TMEM127: variants seen among roughly 807,000 people sequenced by gnomAD.
TMEM127 encodes transmembrane protein 127.
A neutral mutation model predicts 20.1 loss-of-function variants in TMEM127; 21 were observed. That is an observed-to-expected ratio of 1.04 (90% CI 0.74 to 1.50). The LOEUF (loss-of-function observed/expected upper bound fraction) is 1.50, where lower values mean the gene tolerates loss of function less well. Among genes scored for constraint, TMEM127 ranks in the 40% most tolerant of loss-of-function variants. The pLI is 0.00. For missense variants in TMEM127, 303 were observed against 317.4 expected (o/e 0.95, Z 0.34); for synonymous variants, 150 against 144.7 (o/e 1.04, Z -0.26).
chr2:96,264,859 C>A (rs1684381223), intron 2 of TMEM127, among the ~76,000 whole-genome samples: 1 of 152,172 alleles, frequency 6.6e-6, no homozygotes, highest in South Asian at 2.1e-4. Flanking sequence ...TACCTAGCAC[C>A]CTTATCTTTT....
chr2:96,265,412 C>G lies in TMEM127; in HGVS notation c.-31G>C, dbSNP rs1684399916. On this transcript the variant is annotated 5_prime_UTR_variant, in exon 2 of 4. Transcript: ENST00000258439. The stretch of plus-strand genomic sequence containing the variant: ...GGGCCGCCCGCCGTCGCTCCGCAGT[C>G]GCTGCTGGTCGCCGCCGACCTCCGC... 1 of 1,340,508 alleles carries G rather than the reference C, an allele frequency of 7.5e-7. No individual in the cohort carries two copies. The allele number at this position is 1,340,508 out of a possible 1,614,324, so 83.0% of individuals were successfully genotyped here.
chr2:96,250,874 G>C lies in TMEM127; in HGVS notation c.*2934C>G, dbSNP rs1015330236. The C allele has an allele frequency of 4.3e-6, 1 of 230,486 alleles. No individual in the cohort carries two copies. The highest frequency in any genetic ancestry group is 5.7e-5 in the Admixed American group (1 of 17,678). The allele number at this position is 230,486 out of a possible 1,614,324, so 14.3% of individuals were successfully genotyped here. On this transcript the variant is annotated 3_prime_UTR_variant, in exon 4 of 4. Coordinates refer to ENST00000258439, the MANE Select transcript of TMEM127 (RefSeq NM_017849.4). ...CAGTTTCTAGGGAGTGAAGGAACAC[G>C]TGAAATACAGAAAATAAAGACAGAA...
In TMEM127 at chr2:96,254,921, A is replaced by C. The variant is rs1553437007; in HGVS notation, c.321T>G (p.Ser107Arg). 5 of 1,614,022 alleles carry C rather than the reference A, an allele frequency of 3.1e-6. No homozygotes were observed. The highest frequency in any genetic ancestry group is 4.2e-6 in the Non-Finnish European group (5 of 1,179,960). Residue 107 changes from serine (S) to arginine (R), a missense_variant, in exon 3 of 4, where the codon AGT (serine) becomes AGG (arginine). Ser to Arg is a moderately radical substitution (Grantham distance 110). Transcript: ENST00000258439. ...AGACATCCAGAAGGAAAGCGGAGAGACTACACAGGATGCCCAGGAAACAGA... is the reference window on the plus strand; with the variant it reads ...AGACATCCAGAAGGAAAGCGGAGAGCCTACACAGGATGCCCAGGAAACAGA... ...AAFCFLGILC[S>R]LSAFLLDVFG...
intron 3 of TMEM127, 110 bp from the exon 4 acceptor site, chr2:96,254,225 T>C (rs1055315046): frequency 7.0e-7 from 1 of 1,418,806 alleles, no homozygotes; most frequent in Non-Finnish European, 9.7e-7. Context: ...TCAGAGAACC[T>C]GCCTGGCCCC....
chr2:96,264,192 A>G (rs1684366919), intron 2 of TMEM127, among the ~76,000 whole-genome samples: 2 of 152,230 alleles, frequency 1.3e-5, no homozygotes, highest in Non-Finnish European at 2.9e-5. Flanking sequence ...ACAGCGGGGA[A>G]CTTGGACCTT....
At chr2:96,259,222 GC>G (rs1684267861) in intron 2 of TMEM127, among the ~76,000 whole-genome samples, 1 of 152,192 alleles carries the variant, frequency 6.6e-6, no homozygotes, top group African/African-American at 2.4e-5. Flanking sequence ...TGGGTGAAGT[GC>G]CCCCCTGGGG....
chr2:96,258,056 G>A (rs1452281542), intron 2 of TMEM127, among the ~76,000 whole-genome samples: 1 of 152,210 alleles, frequency 6.6e-6, no homozygotes, highest in Non-Finnish European at 1.5e-5. Flanking sequence ...GCTATATAGC[G>A]TCCTTTCCTG....
intron 1 of TMEM127, 35 bp from the exon 2 acceptor site, chr2:96,265,547 G>C (rs1381375202): frequency 1.7e-5 from 15 of 906,638 alleles, no homozygotes; most frequent in Non-Finnish European, 2.0e-5. Context: ...AGGGGGGTGG[G>C]ACCCGGGGCT....
Position 96,253,442 on chromosome 2 carries a change from C to A in TMEM127, c.*366G>T. 1 of 326,174 alleles carries A rather than the reference C, an allele frequency of 3.1e-6. No homozygotes were observed. The highest frequency in any genetic ancestry group is 5.7e-6 in the Non-Finnish European group (1 of 174,520). 20.2% of individuals were successfully genotyped at this position (326,174 alleles called of 1,614,324 possible). On this transcript the variant is annotated 3_prime_UTR_variant, in exon 4 of 4. Coordinates refer to ENST00000258439, the MANE Select transcript of TMEM127 (RefSeq NM_017849.4). The surrounding 1 kb of genome is among the most constrained non-coding windows in gnomAD (Gnocchi z 4.3). ...GGCACAGTCCCCTTTCCCTTGGGCCCTTTGACACTTGTTTTTGGGACTGTC... is the reference window on the plus strand; with the variant it reads ...GGCACAGTCCCCTTTCCCTTGGGCCATTTGACACTTGTTTTTGGGACTGTC...
chr2:96,249,089 GTGGT>G lies in TMEM127; in HGVS notation c.*4715_*4718del. The G allele has an allele frequency of 2.2e-5, 5 of 227,262 alleles. No individual in the cohort carries two copies. The highest frequency in any genetic ancestry group is 6.2e-5 in the East Asian group (1 of 16,220). The allele number at this position is 227,262 out of a possible 1,614,324, so 14.1% of individuals were successfully genotyped here. On this transcript the variant is annotated 3_prime_UTR_variant, in exon 4 of 4. Transcript: ENST00000258439. ...TGGTGAGGAACCTGTGTGTGTGTGT[GTGGT>G]GTGTGTGTGTGTGTGTGTGTGTGTT...
In TMEM127 at chr2:96,254,928, A is replaced by G. The variant is rs766918841; in HGVS notation, c.314T>C (p.Leu105Pro). The G allele has an allele frequency of 8.1e-6, 13 of 1,614,120 alleles. No individual in the cohort carries two copies. Among genetic ancestry groups the G allele is most frequent in the South Asian group, 1.1e-5 (1 of 91,090 alleles). ...VIAAFCFLGI[L>P]CSLSAFLLDV... is the part of the protein sequence containing the mutation. ...CAGAAGGAAAGCGGAGAGACTACAC[A>G]GGATGCCCAGGAAACAGAAGGCGGC... Residue 105 changes from leucine to proline, a missense_variant, in exon 3 of 4, where the codon CTG (leucine) becomes CCG (proline). Physicochemically the swap from Leu to Pro is moderately conservative, Grantham distance 98 (BLOSUM62 -3). Transcript: ENST00000258439.
chr2:96,254,805 T>C (rs1338454004), intron 3 of TMEM127, 28 bp downstream of exon 3: 2 of 1,613,562 alleles, frequency 1.2e-6, no homozygotes. Flanking sequence ...GCAGTTCCTC[T>C]CCCACTGTGA....
chr2:96,255,378 C>G (rs944833952), intron 2 of TMEM127, among the ~76,000 whole-genome samples: 1 of 152,194 alleles, frequency 6.6e-6, no homozygotes, highest in Non-Finnish European at 1.5e-5. Context: ...GCTGAGACAG[C>G]CAGAGAGGCT....
At position 96,253,561 on chromosome 2, in the gene TMEM127, C is replaced by T. The variant is rs969955316; in HGVS notation, c.*247G>A. On this transcript the variant is annotated 3_prime_UTR_variant, in exon 4 of 4. Transcript: ENST00000258439. The surrounding 1 kb of genome is among the most constrained non-coding windows in gnomAD (Gnocchi z 4.3). ...TGACCTTCCCTGGCTGGTAATGACT[C>T]GTGAATGTGAAGGGGGCAGGATGTG... The T allele has an allele frequency of 7.6e-6, 4 of 528,332 alleles. No individual in the cohort carries two copies. Among genetic ancestry groups the T allele is most frequent in the African/African-American group, 1.9e-5 (1 of 52,876 alleles). 32.7% of individuals were successfully genotyped at this position (528,332 alleles called of 1,614,324 possible). A position where few individuals can be genotyped will look rare whatever the true frequency, so the allele number is the denominator to read the frequency against.
Position 96,254,897 on chromosome 2 carries a change from G to C in TMEM127, c.345C>G (p.Val115=), listed in dbSNP as rs1283264724. The stretch of plus-strand genomic sequence containing the variant: ...TCAGAGCAGGATGCTTCGGCCCAAA[G>C]ACATCCAGAAGGAAAGCGGAGAGAC... The part of the protein sequence containing the change: ...LCSLSAFLLD[V]FGPKHPALKI... Residue 115 remains valine (V), a synonymous_variant, in exon 3 of 4, where the codon GTC becomes GTG. Coordinates refer to ENST00000258439, the MANE Select transcript of TMEM127 (RefSeq NM_017849.4). 1.9e-6 allele frequency: 3 copies of C among 1,613,944 alleles called. No homozygotes were observed. The highest frequency in any genetic ancestry group is 2.2e-5 in the East Asian group (1 of 44,882).
chr2:96,251,102 C>T lies in TMEM127; in HGVS notation c.*2706G>A, dbSNP rs1684078291. 4.6e-6 allele frequency: 1 copy of T among 216,458 alleles called. No individual in the cohort carries two copies. Among genetic ancestry groups the T allele is most frequent in the Non-Finnish European group, 9.3e-6 (1 of 107,478 alleles). 13.4% of individuals were successfully genotyped at this position (216,458 alleles called of 1,614,324 possible). On this transcript the variant is annotated 3_prime_UTR_variant, in exon 4 of 4. Transcript: ENST00000258439. ...TTGGGCCTTGGGCGGGAGTCAGCTA[C>T]TATTTCTAGCTGTTCTAGAAAGACC...
In TMEM127 at chr2:96,253,599, G is replaced by A; in HGVS notation, c.*209C>T. On this transcript the variant is annotated 3_prime_UTR_variant, in exon 4 of 4. Transcript: ENST00000258439. This position sits in a 1 kb window ranked among gnomAD's most constrained non-coding sequence, Gnocchi z 4.3. ...GGGGCAGGATGTGGCAGGAGGGAAA[G>A]AGTACATTATAGAAAACCAGTGGAC... 1 of 593,472 alleles carries A rather than the reference G, an allele frequency of 1.7e-6. No homozygotes were observed. Among genetic ancestry groups the A allele is most frequent in the Non-Finnish European group, 2.9e-6 (1 of 339,176 alleles). 36.8% of individuals were successfully genotyped at this position (593,472 alleles called of 1,614,324 possible).
chr2:96,261,952 G>C (rs1366874824), intron 2 of TMEM127, among the ~76,000 whole-genome samples: 1 of 152,182 alleles, frequency 6.6e-6, no homozygotes, highest in Non-Finnish European at 1.5e-5. Flanking sequence ...GGCAGGGTCT[G>C]TTCTCCCTCT....
chr2:96,265,678 G>C (rs533420356), intron 1 of TMEM127, among the ~76,000 whole-genome samples, 166 bp from the exon 2 acceptor site: 3 of 152,316 alleles, frequency 2.0e-5, no homozygotes, highest in Admixed American at 2.0e-4. Context: ...GACTCGAGTG[G>C]GGGGCGGAGG....
Sources: allele counts gnomAD v4.1 joint callset (sites outside exome capture counted in the v4.1 genomes callset), GRCh38; gene constraint gnomAD v4.1.1; non-coding constraint Gnocchi (gnomAD v3.1); transcripts MANE v1.5; gene names NCBI Gene and HGNC (gene_info 2026-07-23, HGNC 2026-07-21).